Variants in DMXL2 observed in about 807,000 individuals in gnomAD.
DMXL2 encodes the protein Dmx like 2, also known as dmX-like protein 2.
DMXL2 carries 103 observed loss-of-function variants against 331.1 expected under a neutral mutation model. The observed-to-expected ratio is 0.31, with a 90% CI of 0.27 to 0.37. The LOEUF (loss-of-function observed/expected upper bound fraction) is 0.37, where lower values mean the gene tolerates loss of function less well. DMXL2 is among the 10% of genes least tolerant of loss of function. The pLI, the probability that DMXL2 is intolerant of heterozygous loss-of-function variation, is 1.00. For synonymous variants in DMXL2, 1,281 were observed against 1,252.1 expected (o/e 1.02, Z -0.49); for missense variants, 3,171 against 3,642.9 (o/e 0.87, Z 3.33).
chr15:51,569,184 C>A (rs1027883404), intron 2 of DMXL2, among the ~76,000 whole-genome samples: 1 of 152,202 alleles, frequency 6.6e-6, no homozygotes, highest in East Asian at 1.9e-4. Context: ...AAGCTAAGAT[C>A]CACTGGCTTG....
At chr15:51,583,310 T>C (rs1039011663) in intron 1 of DMXL2, among the ~76,000 whole-genome samples, 3 of 92,122 alleles carry the variant, frequency 3.3e-5, no homozygotes, top group African/African-American at 1.3e-4. Flanking sequence ...CAGAGTGTGA[T>C]ATTCCCCTTC....
chr15:51,483,623 C>T (rs2042176615), intron 23 of DMXL2, among the ~76,000 whole-genome samples: 1 of 152,182 alleles, frequency 6.6e-6, no homozygotes, highest in African/African-American at 2.4e-5. Context: ...GCTACATGCC[C>T]ACACTCAGGA....
At chr15:51,577,772 A>G (rs951624463) in intron 1 of DMXL2, among the ~76,000 whole-genome samples, 1 of 152,194 alleles carries the variant, frequency 6.6e-6, no homozygotes, top group Admixed American at 6.5e-5. Flanking sequence ...CTAGTTTGAA[A>G]TCACACACAC....
Position 51,481,200 on chromosome 15 carries a change from A to G in DMXL2, c.5906T>C (p.Val1969Ala). 6.2e-7 allele frequency: 1 copy of G among 1,613,956 alleles called. No individual in the cohort carries two copies. Residue 1969 changes from valine to alanine, a missense_variant, in exon 24 of 44, where the codon GTT (valine) becomes GCT (alanine). Physicochemically the swap from Val to Ala is moderately conservative, Grantham distance 64. Transcript: ENST00000560891. The part of the protein sequence containing the change: ...QYDWSQPIVK[V>A]DEEPLNLDWG... ...ATCAAGATTAAGAGGTTCCTCATCA[A>G]CTTTTACTATTGGCTGACTCCAGTC...
intron 43 of DMXL2, 52 bp from the exon 44 acceptor site, chr15:51,449,245 A>G (rs1429899656): frequency 1.3e-6 from 2 of 1,582,460 alleles, no homozygotes; most frequent in Non-Finnish European, 1.7e-6. Context: ...ACCAAAAGCA[A>G]AAACATGGCC....
chr15:51,475,629 G>T (rs186910161), intron 27 of DMXL2, among the ~76,000 whole-genome samples: 1 of 152,014 alleles, frequency 6.6e-6, no homozygotes, highest in Non-Finnish European at 1.5e-5. Flanking sequence ...AAAGAAGGAA[G>T]ACTTTACTCA....
chr15:51,564,174 T>C lies in DMXL2; in HGVS notation c.451A>G (p.Asn151Asp). ...TCATTTAAAACAGGAGGAACTGTAT[T>C]ATCAATTTCTTCCTCCTCTTCCAGA... ...DILEEEEEIDNTVPPVLNDWK... is the reference protein window; with the variant it reads ...DILEEEEEIDDTVPPVLNDWK... Residue 151 changes from asparagine to aspartate, a missense_variant, in exon 5 of 44, where the codon AAT becomes GAT. Physicochemically the swap from Asn to Asp is conservative, Grantham distance 23. This residue lies in a region of DMXL2 where 1,674 missense variants were observed against 1,780.2 expected (regional missense o/e 0.94). Coordinates refer to ENST00000560891, the MANE Select transcript of DMXL2 (RefSeq NM_001378457.1). The C allele has an allele frequency of 6.2e-7, 1 of 1,607,010 alleles. No homozygotes were observed. Among genetic ancestry groups the C allele is most frequent in the Non-Finnish European group, 8.5e-7 (1 of 1,177,182 alleles).
rs1223764864 is a variant in DMXL2 at position 51,480,921 on chromosome 15, T to C, written c.6185A>G (p.Tyr2062Cys). 3 of 1,613,008 alleles carry C rather than the reference T, an allele frequency of 1.9e-6. No individual in the cohort carries two copies. Among genetic ancestry groups the C allele is most frequent in the Admixed American group, 3.3e-5 (2 of 59,884 alleles). Reference protein sequence around the residue: ...MTELRTLATGYEVDGGKLRFQ... With the variant: ...MTELRTLATGCEVDGGKLRFQ... Reference sequence around the variant, plus strand: ...TCTGAGTTTTCCTCCATCTACTTCATAACCTGTAGCCAATGTTCTTAATTC... The same window carrying C: ...TCTGAGTTTTCCTCCATCTACTTCACAACCTGTAGCCAATGTTCTTAATTC... Residue 2062 changes from tyrosine (Y) to cysteine (C), a missense_variant, in exon 24 of 44, where the codon TAT becomes TGT. Around this residue, in one of 7 missense-constraint regions of DMXL2, gnomAD observed 20 missense variants for 46.3 expected, o/e 0.43. Coordinates refer to ENST00000560891, the MANE Select transcript of DMXL2 (RefSeq NM_001378457.1).
chr15:51,603,293 A>G (rs1239922761), intron 1 of DMXL2, among the ~76,000 whole-genome samples: 1 of 152,180 alleles, frequency 6.6e-6, no homozygotes, highest in Non-Finnish European at 1.5e-5. Flanking sequence ...GCACACATTA[A>G]AAGTATAATA....
intron 13 of DMXL2, among the ~76,000 whole-genome samples, chr15:51,522,636 C>T (rs1240132887): frequency 6.6e-6 from 1 of 152,186 alleles, no homozygotes; most frequent in Non-Finnish European, 1.5e-5. Context: ...TAGAGCAAGA[C>T]TCTGTCTCAA....
At chr15:51,620,012 C>G (rs777201758) in intron 1 of DMXL2, among the ~76,000 whole-genome samples, 1 of 152,154 alleles carries the variant, frequency 6.6e-6, no homozygotes, top group Non-Finnish European at 1.5e-5. Flanking sequence ...AAGTGACAGG[C>G]TCCATGAAGA....
rs533730097 is a variant in DMXL2 at position 51,506,712 on chromosome 15, CAG to C, written c.2764+420_2764+421del. 6.7e-4 allele frequency among the ~76,000 whole-genome samples: 102 copies of C among 152,240 alleles called. 1 individual carries two copies. The East Asian group carries it at 0.017, about 25-fold the overall frequency. On this transcript the variant is annotated intron_variant, in intron 16 of 43. Transcript: ENST00000560891. ...TCGTGATCCGCCCACCTCGGCCTCC[CAG>C]AGTGCTGGGATTACAGGCGTGAGCC...
At chr15:51,476,801 C>T (rs2041622666) in intron 26 of DMXL2, 82 bp from the exon 27 acceptor site, 2 of 1,181,756 alleles carry the variant, frequency 1.7e-6, no homozygotes, top group African/African-American at 1.6e-5. Flanking sequence ...ATTTTAGACA[C>T]CTATTTTAAG....
At chr15:51,595,449 A>T (rs2052726673) in intron 1 of DMXL2, among the ~76,000 whole-genome samples, 1 of 152,236 alleles carries the variant, frequency 6.6e-6, no homozygotes, top group Non-Finnish European at 1.5e-5. Context: ...AGAACATTCC[A>T]TGTTCATGGG....
At chr15:51,559,228 T>G (rs1435290186) in intron 6 of DMXL2, among the ~76,000 whole-genome samples, 1 of 152,218 alleles carries the variant, frequency 6.6e-6, no homozygotes, top group Non-Finnish European at 1.5e-5. Context: ...AGAAGATCTT[T>G]GCAAAACATG....
chr15:51,617,467 T>G (rs1323952203), intron 1 of DMXL2, among the ~76,000 whole-genome samples: 1 of 152,290 alleles, frequency 6.6e-6, no homozygotes, highest in African/African-American at 2.4e-5. Context: ...GAATGGCCTA[T>G]CTACTGAGCC....
Position 51,457,440 on chromosome 15 carries a change from G to A in DMXL2, c.8225C>T (p.Ser2742Phe). 1 of 1,614,168 alleles carries A rather than the reference G, an allele frequency of 6.2e-7. No individual in the cohort carries two copies. The highest frequency in any genetic ancestry group is 8.5e-7 in the Non-Finnish European group (1 of 1,180,008). The change falls in exon 37 of 44, where the codon TCC (serine) becomes TTC (phenylalanine). Residue 2742 changes from serine to phenylalanine, a missense_variant. Ser to Phe is a radical substitution (Grantham distance 155). This residue lies in a region of DMXL2 where 766 missense variants were observed against 940.5 expected (regional missense o/e 0.81). Coordinates refer to ENST00000560891, the MANE Select transcript of DMXL2 (RefSeq NM_001378457.1). ...ACTGGGTTGATAAAGAGTTGTAGTGGAACCACGATAATCAACATCATCTGA... is the reference window on the plus strand; with the variant it reads ...ACTGGGTTGATAAAGAGTTGTAGTGAAACCACGATAATCAACATCATCTGA... The part of the protein sequence containing the change: ...KSSDDVDYRG[S>F]TTTLYQPSAT...
At chr15:51,581,640 A>G (rs2051427781) in intron 1 of DMXL2, among the ~76,000 whole-genome samples, 1 of 152,194 alleles carries the variant, frequency 6.6e-6, no homozygotes, top group South Asian at 2.1e-4. Context: ...TAATCCCACA[A>G]ACACTGTTCT....
intron 20 of DMXL2, among the ~76,000 whole-genome samples, chr15:51,489,511 G>C (rs1233606843): frequency 6.6e-6 from 1 of 152,072 alleles, no homozygotes; most frequent in East Asian, 1.9e-4. Context: ...ACAAAAATTA[G>C]CCAGGCATGG....
Sources: allele counts gnomAD v4.1 joint callset (sites outside exome capture counted in the v4.1 genomes callset), GRCh38; gene constraint gnomAD v4.1.1; regional missense constraint gnomAD v4.1.1; transcripts MANE v1.5; gene names NCBI Gene and HGNC (gene_info 2026-07-23, HGNC 2026-07-21).